The following MIR2052HG variants were observed in gnomAD, a reference collection of about 807,000 sequenced individuals.
The protein encoded by MIR2052HG is MIR2052 host gene.
chr8:74,688,992 CATGAGAAAAACAATACATT>C (rs1809212248), intron 2 of MIR2052HG, among the ~76,000 whole-genome samples: 1 of 152,128 alleles, frequency 6.6e-6, no homozygotes, highest in South Asian at 2.1e-4. Flanking sequence ...AAAAAAAAGT[CATGAGAAAAACAATACATT>C]ATGAATTGAT....
intron 2 of MIR2052HG, among the ~76,000 whole-genome samples, chr8:74,664,133 G>A (rs1008545028): frequency 4.7e-5 from 7 of 150,048 alleles, no homozygotes; most frequent in Non-Finnish European, 1.0e-4. Context: ...GGGAGAGAGT[G>A]GGAAGGCGGT....
chr8:74,713,251 T>G (rs952957370), intron 4 of MIR2052HG, among the ~76,000 whole-genome samples: 1 of 152,176 alleles, frequency 6.6e-6, no homozygotes, highest in Admixed American at 6.5e-5. Flanking sequence ...TATCTTGAAT[T>G]TGTTCACTCT....
At chr8:74,656,562 A>G (rs548051820) in intron 2 of MIR2052HG, among the ~76,000 whole-genome samples, 9 of 152,272 alleles carry the variant, frequency 5.9e-5, no homozygotes, top group African/African-American at 2.2e-4. Flanking sequence ...ACCTCCTGCC[A>G]TGATTCTGAG....
intron 4 of MIR2052HG, among the ~76,000 whole-genome samples, chr8:74,708,491 T>G (rs1319643279): frequency 6.6e-6 from 1 of 152,068 alleles, no homozygotes; most frequent in Non-Finnish European, 1.5e-5. Context: ...CACAACTCTG[T>G]GTGGGTTATC....
intron 2 of MIR2052HG, among the ~76,000 whole-genome samples, chr8:74,692,187 T>A (rs1267189965): frequency 1.3e-5 from 2 of 152,130 alleles, no homozygotes; most frequent in African/African-American, 4.8e-5. Context: ...GCTTTCTGGG[T>A]TCAAATGATT....
intron 4 of MIR2052HG, among the ~76,000 whole-genome samples, chr8:74,705,070 A>T (rs534470574): frequency 1.3e-5 from 2 of 151,092 alleles, no homozygotes; most frequent in Non-Finnish European, 2.9e-5. Context: ...TTTCCAGTGG[A>T]AGATGTCAGG....
chr8:74,634,477 A>G (rs2128734644), intron 2 of MIR2052HG, among the ~76,000 whole-genome samples: 1 of 152,338 alleles, frequency 6.6e-6, no homozygotes, highest in East Asian at 1.9e-4. Flanking sequence ...AACTCTTGCA[A>G]AATAATTTCT....
intron 4 of MIR2052HG, among the ~76,000 whole-genome samples, chr8:74,717,434 C>A (rs1303740762): frequency 6.6e-6 from 1 of 152,100 alleles, no homozygotes; most frequent in Admixed American, 6.5e-5. Context: ...GGTTCCATGT[C>A]TTTGCTATTG....
chr8:74,710,142 G>A (rs1298304568), intron 4 of MIR2052HG, among the ~76,000 whole-genome samples: 1 of 151,972 alleles, frequency 6.6e-6, no homozygotes, highest in Non-Finnish European at 1.5e-5. Context: ...TATTCTTCCT[G>A]GAATAAGCAG....
intron 4 of MIR2052HG, among the ~76,000 whole-genome samples, chr8:74,750,385 G>A (rs962586789): frequency 1.3e-5 from 2 of 152,146 alleles, no homozygotes; most frequent in East Asian, 1.9e-4. Context: ...TTTTTTTCTC[G>A]CTGAAAAATT....
At position 74,611,272 on chromosome 8, in the gene MIR2052HG, T is replaced by G. The variant is rs182963450; in HGVS notation, n.129-1581T>G. Among the ~76,000 whole-genome samples, 62 of 152,274 alleles carry G rather than the reference T, an allele frequency of 4.1e-4. 1 individual carries two copies. Among genetic ancestry groups the G allele is most frequent in the African/African-American group, 1.5e-3 (61 of 41,570 alleles). On this transcript the variant is annotated intron_variant and non_coding_transcript_variant, in intron 1 of 6. Transcript: ENST00000523442. ...AAAGTAAAACACCATGAGATACCAT[T>G]GCACACCTATTACAAATATCTTATA...
At chr8:74,634,998 T>G (rs1808564070) in intron 2 of MIR2052HG, among the ~76,000 whole-genome samples, 1 of 152,160 alleles carries the variant, frequency 6.6e-6, no homozygotes, top group Admixed American at 6.5e-5. Flanking sequence ...AATTTTTATC[T>G]AATAATTCCA....
intron 1 of MIR2052HG, among the ~76,000 whole-genome samples, chr8:74,600,246 T>C (rs899663252): frequency 5.9e-5 from 9 of 151,568 alleles, no homozygotes; most frequent in Non-Finnish European, 1.3e-4. Context: ...CCATCTTGGC[T>C]CCTCCCTGAA....
At chr8:74,625,066 C>CT (rs1046691479) in intron 2 of MIR2052HG, among the ~76,000 whole-genome samples, 70 of 147,370 alleles carry the variant, frequency 4.7e-4, no homozygotes, top group Non-Finnish European at 7.1e-4. Flanking sequence ...ACCTGAATAC[C>CT]TTTTTTTTTT....
intron 4 of MIR2052HG, among the ~76,000 whole-genome samples, chr8:74,737,989 T>C (rs1809785431): frequency 6.6e-6 from 1 of 152,146 alleles, no homozygotes; most frequent in South Asian, 2.1e-4. Context: ...TATGTATGTA[T>C]GTATGTATGT....
chr8:74,743,751 C>T (rs1244269026), intron 4 of MIR2052HG, among the ~76,000 whole-genome samples: 1 of 152,166 alleles, frequency 6.6e-6, no homozygotes, highest in Non-Finnish European at 1.5e-5. Context: ...ACCTTACAAC[C>T]CAGTCCCACA....
chr8:74,615,768 C>G (rs989127573), intron 2 of MIR2052HG, among the ~76,000 whole-genome samples: 2 of 151,962 alleles, frequency 1.3e-5, no homozygotes, highest in East Asian at 1.9e-4. Context: ...CCACTCCCCC[C>G]ACCCCACAAC....
intron 2 of MIR2052HG, among the ~76,000 whole-genome samples, chr8:74,675,974 T>C (rs1809047229): frequency 1.3e-5 from 2 of 152,056 alleles, no homozygotes; most frequent in African/African-American, 2.4e-5. Flanking sequence ...AAAGAAGCTA[T>C]GTTTAATAGC....
chr8:74,681,219 TA>T (rs201204016), intron 2 of MIR2052HG, among the ~76,000 whole-genome samples: 8,233 of 151,064 alleles, frequency 0.055, 278 homozygotes, highest in Non-Finnish European at 0.063. Context: ...ATAATAATAA[TA>T]AAAAAAAGAC....
Sources: allele counts gnomAD v4.1 joint callset (sites outside exome capture counted in the v4.1 genomes callset), GRCh38; gene constraint gnomAD v4.1.1; transcripts MANE v1.5; gene names NCBI Gene and HGNC (gene_info 2026-07-23, HGNC 2026-07-21).